The following ERBB4 variants were observed in gnomAD, a reference collection of about 807,000 sequenced individuals.
The protein encoded by ERBB4 is erb-b2 receptor tyrosine kinase 4, also known as receptor tyrosine-protein kinase erbB-4.
Under a neutral mutation model 158.0 loss-of-function variants are expected in ERBB4, and 42 were observed. The observed-to-expected ratio is 0.27, with a 90% confidence interval of 0.21 to 0.34. ERBB4 has a LOEUF of 0.34. ERBB4 is among the 10% of genes least tolerant of loss of function. The pLI, the probability that ERBB4 is intolerant of heterozygous loss-of-function variation, is 1.00. For missense variants in ERBB4, 1,333 were observed against 1,624.1 expected, an observed-to-expected ratio of 0.82 and a Z score of 3.08; for synonymous variants, 583 against 558.7, an observed-to-expected ratio of 1.04 and a Z score of -0.61.
intron 1 of ERBB4, among the ~76,000 whole-genome samples, chr2:212,414,695 ACTTT>A (rs2091602711): frequency 2.0e-5 from 3 of 152,332 alleles, no homozygotes; most frequent in African/African-American, 2.4e-5. Flanking sequence ...ATGAGTACAG[ACTTT>A]CTTTATTTCC....
At chr2:211,386,486 T>A (rs2062687027) in intron 27 of ERBB4, among the ~76,000 whole-genome samples, 1 of 152,202 alleles carries the variant, frequency 6.6e-6, no homozygotes, top group African/African-American at 2.4e-5. Flanking sequence ...ATCTCCGCAA[T>A]TAAGTCCAAT....
chr2:212,118,379 T>C (rs537214682), intron 2 of ERBB4, among the ~76,000 whole-genome samples: 4 of 152,308 alleles, frequency 2.6e-5, no homozygotes, highest in South Asian at 4.1e-4. Flanking sequence ...TGCAGTAAGA[T>C]TGGCAGTGTT....
chr2:212,003,189 GAA>G (rs1217737208), intron 2 of ERBB4, among the ~76,000 whole-genome samples: 45 of 68,102 alleles, frequency 6.6e-4, no homozygotes, highest in Middle Eastern at 7.4e-3. Context: ...AAGAAAGAAA[GAA>G]AGAAAGAAAG....
In ERBB4 at chr2:211,788,062, G is replaced by A; in HGVS notation, c.519C>T (p.Ser173=). 1 of 1,613,456 alleles carries A rather than the reference G, an allele frequency of 6.2e-7. No individual in the cohort carries two copies. Among genetic ancestry groups the A allele is most frequent in the Non-Finnish European group, 8.5e-7 (1 of 1,179,496 alleles). Residue 173 remains serine, a synonymous_variant, in exon 4 of 28, where the codon TCC becomes TCT. Transcript: ENST00000342788. ...WQDIVRNPWP[S]NLTLVSTNGS... ...CATTTGTTGACACAAGAGTCAAGTT[G>A]GAAGGCCATGGGTTCCGAACAATAT... is the stretch of plus-strand genomic sequence containing the variant.
At chr2:212,249,077 C>A (rs1485689386) in intron 1 of ERBB4, among the ~76,000 whole-genome samples, 1 of 151,792 alleles carries the variant, frequency 6.6e-6, no homozygotes, top group Non-Finnish European at 1.5e-5. Context: ...TTAACAGGAA[C>A]TAGACCAGCA....
At chr2:212,095,959 A>AG (rs397947409) in intron 2 of ERBB4, among the ~76,000 whole-genome samples, 2 of 150,074 alleles carry the variant, frequency 1.3e-5, no homozygotes, top group Non-Finnish European at 3.0e-5. Context: ...AAAAAAAAAA[A>AG]GAAAGAAAGA....
chr2:211,646,184 T>G (rs1367852744), intron 16 of ERBB4, among the ~76,000 whole-genome samples: 1 of 151,626 alleles, frequency 6.6e-6, no homozygotes, highest in Non-Finnish European at 1.5e-5. Context: ...TGTATTAGTA[T>G]GTAGAGAAAT....
chr2:212,144,754 C>T (rs185229588), intron 1 of ERBB4, among the ~76,000 whole-genome samples: 1 of 152,192 alleles, frequency 6.6e-6, no homozygotes, highest in East Asian at 1.9e-4. Flanking sequence ...CTGGGCAGGC[C>T]AGATGTAGTT....
chr2:212,450,323 T>C (rs1468069328), intron 1 of ERBB4, among the ~76,000 whole-genome samples: 1 of 152,150 alleles, frequency 6.6e-6, no homozygotes, highest in African/African-American at 2.4e-5. Context: ...ATACAATAAA[T>C]GTAGGGTGCC....
chr2:211,850,468 G>T (rs1291072980), intron 3 of ERBB4, among the ~76,000 whole-genome samples: 2 of 151,658 alleles, frequency 1.3e-5, no homozygotes, highest in Non-Finnish European at 2.9e-5. Flanking sequence ...GTCAAGCAGA[G>T]AACAAAGGTA....
chr2:211,703,534 C>A (rs533193416), intron 11 of ERBB4, among the ~76,000 whole-genome samples: 3 of 152,266 alleles, frequency 2.0e-5, no homozygotes, highest in African/African-American at 4.8e-5. Context: ...GAACATCATA[C>A]AGATGACATC....
intron 1 of ERBB4, among the ~76,000 whole-genome samples, chr2:212,474,707 T>A (rs1287299289): frequency 6.6e-6 from 1 of 151,936 alleles, no homozygotes; most frequent in Non-Finnish European, 1.5e-5. Context: ...TAGTCTCTCC[T>A]AACACAGTCA....
At chr2:211,882,179 A>G (rs2078682013) in intron 3 of ERBB4, among the ~76,000 whole-genome samples, 1 of 151,930 alleles carries the variant, frequency 6.6e-6, no homozygotes, top group African/African-American at 2.4e-5. Context: ...TCTCATTTTT[A>G]CTTGTTTCCT....
intron 3 of ERBB4, among the ~76,000 whole-genome samples, chr2:211,808,882 T>C (rs1249547410): frequency 6.6e-6 from 1 of 152,184 alleles, no homozygotes; most frequent in Non-Finnish European, 1.5e-5. Context: ...TTATTCTCTT[T>C]GTAGCAATTG....
rs1177363438 is a variant in ERBB4, at chr2:212,107,741, GT to G, written c.234+17010del. ...TGTCATGGGAGGGACCTGGTGGGAG[GT>G]AATTGAATCTTGGGGGCAGATCTTT... On this transcript the variant is annotated intron_variant, in intron 2 of 27. Transcript: ENST00000342788. Among the ~76,000 whole-genome samples the G allele has an allele frequency of 1.3e-4, 20 of 152,108 alleles. 1 individual carries two copies. The highest frequency in any genetic ancestry group is 1.5e-5 in the Non-Finnish European group (1 of 68,026).
At chr2:212,221,152 A>T (rs1000882714) in intron 1 of ERBB4, among the ~76,000 whole-genome samples, 1 of 151,422 alleles carries the variant, frequency 6.6e-6, no homozygotes, top group African/African-American at 2.4e-5. Context: ...AAATATATAA[A>T]TCTAAGCATT....
Position 211,930,234 on chromosome 2 carries a change from A to G in ERBB4, c.421+17196T>C, listed in dbSNP as rs536433676. Among the ~76,000 whole-genome samples, 4 of 152,320 alleles carry G rather than the reference A, an allele frequency of 2.6e-5. No individual in the cohort carries two copies. The South Asian group carries it at 8.3e-4, about 32-fold the overall frequency. Reference sequence around the variant, plus strand: ...AAATATACTTTCATGCCCAGCAAACAAGGGAGACATATAGTCATTATTTGC... The same window carrying G: ...AAATATACTTTCATGCCCAGCAAACGAGGGAGACATATAGTCATTATTTGC... On this transcript the variant is annotated intron_variant, in intron 3 of 27. Transcript: ENST00000342788.
At chr2:212,240,665 A>AAAAAAAAAAAAAAAAAAAAAAAC (rs1559823350) in intron 1 of ERBB4, among the ~76,000 whole-genome samples, 1 of 145,800 alleles carries the variant, frequency 6.9e-6, no homozygotes, top group African/African-American at 2.6e-5. Context: ...AAAAAAAAAA[A>AAAAAAAAAAAAAAAAAAAAAAAC]AACAGAAAAA....
chr2:211,769,184 G>T (rs2075630969), intron 4 of ERBB4, among the ~76,000 whole-genome samples: 3 of 152,154 alleles, frequency 2.0e-5, no homozygotes, highest in African/African-American at 7.2e-5. Context: ...AGCATAGCAA[G>T]AATCACCTTT....
Sources: gnomAD v4.1 joint callset for allele counts (sites outside exome capture counted in the v4.1 genomes callset) on GRCh38, gnomAD v4.1.1 for gene constraint, MANE v1.5 for transcripts, NCBI Gene and HGNC (gene_info 2026-07-23, HGNC 2026-07-21) for gene names.